Variants in RB1 observed in about 807,000 individuals in gnomAD.
The protein encoded by RB1 is retinoblastoma-associated protein.
In RB1, 18 loss-of-function variants were observed where a neutral mutation model predicts 135.4. The observed-to-expected ratio is 0.13, with a 90% CI of 0.09 to 0.20. The LOEUF (loss-of-function observed/expected upper bound fraction) is 0.20. Among genes scored for constraint, RB1 ranks in the 10% least tolerant of loss-of-function variants. The pLI is 1.00. For missense variants in RB1, 868 were observed against 1,110.0 expected (o/e 0.78, Z 3.10); for synonymous variants, 365 against 373.2 (o/e 0.98, Z 0.25).
chr13:48,361,631 G>C (rs1593444346), intron 7 of RB1, among the ~76,000 whole-genome samples: 1 of 152,078 alleles, frequency 6.6e-6, no homozygotes, highest in African/African-American at 2.4e-5. Flanking sequence ...TATCTAGAAA[G>C]TGCTCAGATT....
At chr13:48,409,530 A>G (rs936106981) in intron 17 of RB1, among the ~76,000 whole-genome samples, 2 of 149,658 alleles carry the variant, frequency 1.3e-5, no homozygotes, top group Admixed American at 6.6e-5. Flanking sequence ...TTCCTTAAAT[A>G]GAAGGCATTC....
chr13:48,375,734 A>G (rs963833768), intron 12 of RB1, among the ~76,000 whole-genome samples: 2 of 151,744 alleles, frequency 1.3e-5, no homozygotes, highest in African/African-American at 4.8e-5. Context: ...GCCTGCTACC[A>G]TGTCCAGCTA....
chr13:48,372,347 A>T (rs1471684227), intron 11 of RB1, among the ~76,000 whole-genome samples: 1 of 152,200 alleles, frequency 6.6e-6, no homozygotes, highest in Admixed American at 6.5e-5. Context: ...AGAAGCATAT[A>T]GAAGCTGTGT....
intron 17 of RB1, chr13:48,389,713 A>G (rs1948597381): frequency 6.6e-6 from 1 of 152,210 alleles, no homozygotes; most frequent in Non-Finnish European, 1.5e-5. Context: ...TTCTTCACTC[A>G]CAGGTCTGGC....
chr13:48,477,452 A>T (rs1216119072), intron 26 of RB1, 48 bp downstream of exon 26: 1 of 1,431,306 alleles, frequency 7.0e-7, no homozygotes, highest in African/African-American at 1.4e-5. Context: ...AATTGTTTAC[A>T]CTGCAAGAAG....
intron 17 of RB1, among the ~76,000 whole-genome samples, chr13:48,405,891 A>G (rs1256209707): frequency 6.6e-6 from 1 of 152,104 alleles, no homozygotes. Flanking sequence ...GTGGCATACT[A>G]TGTGTGCTCT....
rs201652377 is a variant in RB1 at position 48,352,368 on chromosome 13, G to GT, written c.607+3358dup. Among the ~76,000 whole-genome samples, 1,003 of 144,824 alleles carry GT rather than the reference G, an allele frequency of 6.9e-3. 4 individuals are homozygous for GT. Among genetic ancestry groups the GT allele is most frequent in the South Asian group, 0.011 (51 of 4,580 alleles). On this transcript the variant is annotated intron_variant, in intron 6 of 26. Transcript: ENST00000267163. ...TTGGTTCCAGTTGAATTTTAAAATA[G>GT]TTTTTTTTTTTTTATTTCTGTGAAG... is the stretch of plus-strand genomic sequence containing the variant.
intron 6 of RB1, among the ~76,000 whole-genome samples, chr13:48,353,327 A>G (rs1483819855): frequency 1.3e-5 from 2 of 152,164 alleles, no homozygotes; most frequent in South Asian, 2.1e-4. Flanking sequence ...CTATATGCCA[A>G]TAAACTGGAA....
intron 13 of RB1, among the ~76,000 whole-genome samples, chr13:48,377,644 T>C (rs970369193): frequency 1.2e-4 from 18 of 152,186 alleles, no homozygotes; most frequent in African/African-American, 4.1e-4. Flanking sequence ...TATTTCAGTG[T>C]AGTGAGGTTA....
At chr13:48,441,541 A>G (rs546172250) in intron 17 of RB1, among the ~76,000 whole-genome samples, 3 of 152,350 alleles carry the variant, frequency 2.0e-5, no homozygotes, top group Non-Finnish European at 4.4e-5. Context: ...TTTAAGGATT[A>G]TGAAATTCTG....
intron 2 of RB1, among the ~76,000 whole-genome samples, chr13:48,324,617 G>A (rs941461886): frequency 6.6e-6 from 1 of 151,976 alleles, no homozygotes; most frequent in African/African-American, 2.4e-5. Context: ...TCCATTAATG[G>A]GCATTCAGGT....
In RB1 at chr13:48,465,098, A is replaced by G. The variant is rs1363146373; in HGVS notation, c.2312A>G (p.Tyr771Cys). Residue 771 changes from tyrosine (Y) to cysteine (C), a missense_variant, in exon 22 of 27, where the codon TAT becomes TGT. Around this residue, in one of 3 missense-constraint regions of RB1, gnomAD observed 196 missense variants for 239.8 expected, o/e 0.82. Transcript: ENST00000267163. ...MQRLKTNILQ[Y>C]ASTRPPTLSP... Reference sequence around the variant, plus strand: ...AGACTGAAAACAAATATTTTGCAGTATGCTTCCACCAGGGTAGGTCAAAAG... The same window carrying G: ...AGACTGAAAACAAATATTTTGCAGTGTGCTTCCACCAGGGTAGGTCAAAAG... 1.2e-6 allele frequency: 2 copies of G among 1,613,198 alleles called. No individual in the cohort carries two copies. The highest frequency in any genetic ancestry group is 2.2e-5 in the East Asian group (1 of 44,776).
At chr13:48,359,384 TA>T (rs1952618519) in intron 6 of RB1, among the ~76,000 whole-genome samples, 1 of 150,704 alleles carries the variant, frequency 6.6e-6, no homozygotes, top group Non-Finnish European at 1.5e-5. Flanking sequence ...GGGTTGAAAT[TA>T]AAAATATATA....
At chr13:48,317,233 CT>C in intron 2 of RB1, 1 of 417,386 alleles carries the variant, frequency 2.4e-6, no homozygotes, top group Non-Finnish European at 4.2e-6. Flanking sequence ...GGGAGACACC[CT>C]TTCCAAAATG....
intron 17 of RB1, among the ~76,000 whole-genome samples, chr13:48,386,683 A>G (rs1345627346): frequency 6.6e-6 from 1 of 152,192 alleles, no homozygotes; most frequent in Non-Finnish European, 1.5e-5. Flanking sequence ...TCAAGTAAAA[A>G]TTAGAATTTT....
chr13:48,321,032 C>T (rs1952232666), intron 2 of RB1, among the ~76,000 whole-genome samples: 1 of 152,134 alleles, frequency 6.6e-6, no homozygotes, highest in African/African-American at 2.4e-5. Flanking sequence ...GCCAGTGTCC[C>T]CAAACGCCCC....
chr13:48,390,473 G>A (rs957565434), intron 17 of RB1, among the ~76,000 whole-genome samples: 5 of 152,122 alleles, frequency 3.3e-5, no homozygotes, highest in African/African-American at 1.2e-4. Context: ...GGAGGAATGT[G>A]ACTGAAATAA....
intron 6 of RB1, among the ~76,000 whole-genome samples, chr13:48,359,298 A>AT (rs1052680739): frequency 4.6e-5 from 7 of 151,654 alleles, no homozygotes; most frequent in Non-Finnish European, 8.8e-5. Context: ...GTGAACAATT[A>AT]TTTTATAGAT....
At chr13:48,393,141 T>C (rs1948623717) in intron 17 of RB1, among the ~76,000 whole-genome samples, 1 of 152,204 alleles carries the variant, frequency 6.6e-6, no homozygotes, top group African/African-American at 2.4e-5. Context: ...GGAAGGATTC[T>C]ACTCCTTCCC....
Sources: allele counts gnomAD v4.1 joint callset (sites outside exome capture counted in the v4.1 genomes callset), GRCh38; gene constraint gnomAD v4.1.1; regional missense constraint gnomAD v4.1.1; transcripts MANE v1.5; gene names NCBI Gene and HGNC (gene_info 2026-07-23, HGNC 2026-07-21).